Variants in EDDM13 observed in about 807,000 individuals in gnomAD.
EDDM13 encodes epididymal protein 13.
EDDM13 carries 24 observed loss-of-function variants against 17.8 expected under a neutral mutation model. That is an observed-to-expected ratio of 1.35 (90% confidence interval 0.98 to 1.90). The LOEUF (loss-of-function observed/expected upper bound fraction) is 1.90, where lower values mean the gene tolerates loss of function less well. Ranked by LOEUF, EDDM13 falls within the 40% of genes most tolerant of loss-of-function variation. The pLI is 0.00. For synonymous variants in EDDM13, 31 were observed against 37.5 expected (o/e 0.83, Z 0.63); for missense variants, 97 against 100.8 (o/e 0.96, Z 0.16).
At chr19:56,309,323 CTT>C (rs36058339) in intron 14 of EDDM13, among the ~76,000 whole-genome samples, 16,614 of 152,152 alleles carry the variant, frequency 0.11, 1,026 homozygotes, top group African/African-American at 0.15. Context: ...GGAGTGACTG[CTT>C]TTAATGGATT....
chr19:56,275,977 G>A (rs1437857612), intron 1 of EDDM13, among the ~76,000 whole-genome samples, 115 bp from the exon 2 acceptor site: 3 of 152,112 alleles, frequency 2.0e-5, no homozygotes, highest in Non-Finnish European at 4.4e-5. Context: ...TGATCTCCAG[G>A]GACACTTCTA....
rs188704427 is a variant in EDDM13, at chr19:56,306,218, C to T, written c.461+1388C>T. ...CTGGTCAAGGCTAGGGTCCAGGGTACGGAGAGAAAGTACGAAAGACAGATG... is the reference window on the plus strand; with the variant it reads ...CTGGTCAAGGCTAGGGTCCAGGGTATGGAGAGAAAGTACGAAAGACAGATG... On this transcript the variant is annotated intron_variant, in intron 14 of 14. Transcript: ENST00000649256. 7.0e-4 allele frequency among the ~76,000 whole-genome samples: 107 copies of T among 152,290 alleles called. 1 individual carries two copies. In the Middle Eastern group the frequency reaches 0.017, roughly 24 times the overall value.
At position 56,272,879 on chromosome 19, in the gene EDDM13, G is replaced by A; in HGVS notation, c.45G>A (p.Leu15=). The A allele has an allele frequency of 3.0e-6, 3 of 985,442 alleles. No homozygotes were observed. Among genetic ancestry groups the A allele is most frequent in the Non-Finnish European group, 3.6e-6 (3 of 829,950 alleles). The allele number at this position is 985,442 out of a possible 1,614,324, so 61.0% of individuals were successfully genotyped here. ...TTCTGAAAATGTCGCTGCTGATTCT[G>A]CTTTTCCTGGGATTGGCAGAAGCCT... ...EPFLKMSLLI[L]LFLGLAEACT... The change falls in exon 1 of 15, where the codon CTG becomes CTA. Residue 15 remains leucine, a synonymous_variant. Transcript: ENST00000649256.
intron 12 of EDDM13, among the ~76,000 whole-genome samples, chr19:56,300,302 A>T (rs2147245289): frequency 6.6e-6 from 1 of 152,364 alleles, no homozygotes; most frequent in Admixed American, 6.5e-5. Flanking sequence ...GATAAACAAC[A>T]GCTAGTCCTC....
intron 6 of EDDM13, among the ~76,000 whole-genome samples, chr19:56,287,562 G>A (rs1407893906): frequency 3.3e-5 from 5 of 152,082 alleles, no homozygotes; most frequent in Non-Finnish European, 5.9e-5. Context: ...GAATGCAGCC[G>A]GACTTTATAA....
chr19:56,273,380 A>C (rs1456649323), intron 1 of EDDM13, among the ~76,000 whole-genome samples: 1 of 152,210 alleles, frequency 6.6e-6, no homozygotes, highest in Admixed American at 6.5e-5. Context: ...GTCTTGCCAT[A>C]ACTCTGAGTT....
At chr19:56,281,869 C>G (rs534451494) in intron 3 of EDDM13, among the ~76,000 whole-genome samples, 171 bp downstream of exon 3, 1 of 152,216 alleles carries the variant, frequency 6.6e-6, no homozygotes, top group African/African-American at 2.4e-5. Flanking sequence ...GCAGATTGCC[C>G]GGGGTGGGAA....
chr19:56,300,507 C>T (rs370220118), intron 12 of EDDM13, among the ~76,000 whole-genome samples: 1 of 152,336 alleles, frequency 6.6e-6, no homozygotes, highest in African/African-American at 2.4e-5. Context: ...CCCCTCCCAA[C>T]AAGAAGCTGG....
chr19:56,291,853 G>A (rs1280514929), intron 9 of EDDM13, among the ~76,000 whole-genome samples: 1 of 152,142 alleles, frequency 6.6e-6, no homozygotes, highest in South Asian at 2.1e-4. Flanking sequence ...TTCATGTAAT[G>A]CCATGATGAG....
At chr19:56,301,730 T>C (rs1478112552) in intron 12 of EDDM13, among the ~76,000 whole-genome samples, 1 of 152,056 alleles carries the variant, frequency 6.6e-6, no homozygotes, top group Non-Finnish European at 1.5e-5. Flanking sequence ...TCAGATTTGG[T>C]GATGTCTTGG....
At chr19:56,300,769 T>C (rs2040172378) in intron 12 of EDDM13, among the ~76,000 whole-genome samples, 1 of 152,180 alleles carries the variant, frequency 6.6e-6, no homozygotes, top group South Asian at 2.1e-4. Flanking sequence ...TATTTTTTGA[T>C]TGGAAACCTG....
At chr19:56,285,547 AAT>A (rs765342588) in intron 6 of EDDM13, among the ~76,000 whole-genome samples, 20 of 152,190 alleles carry the variant, frequency 1.3e-4, no homozygotes, top group East Asian at 9.6e-4. Context: ...TTTTTTTTCT[AAT>A]ATATATGTTT....
intron 6 of EDDM13, among the ~76,000 whole-genome samples, chr19:56,285,489 C>A (rs1254202084): frequency 6.6e-6 from 1 of 152,166 alleles, no homozygotes; most frequent in East Asian, 1.9e-4. Context: ...AGAAATGCTT[C>A]GTGTGTACTC....
intron 13 of EDDM13, among the ~76,000 whole-genome samples, chr19:56,302,551 C>CTCCCTTTTCTTCCTCTCCCTCTT (rs1441071543): frequency 2.5e-5 from 1 of 40,016 alleles, no homozygotes; most frequent in Non-Finnish European, 8.0e-5. Flanking sequence ...CCCCGTTCCT[C>CTCCCTTTTCTTCCTCTCCCTCTT]CCTCCCTCCC....
chr19:56,301,241 G>A (rs1010751170), intron 12 of EDDM13, among the ~76,000 whole-genome samples: 1 of 152,176 alleles, frequency 6.6e-6, no homozygotes, highest in Non-Finnish European at 1.5e-5. Context: ...TCTCCTTATA[G>A]TTATTTCCTG....
intron 13 of EDDM13, chr19:56,302,845 C>T (rs2147283144): frequency 2.3e-5 from 9 of 398,680 alleles, no homozygotes; most frequent in South Asian, 1.3e-4. Flanking sequence ...TTCTAAGGGA[C>T]GTTCATAAGG....
intron 12 of EDDM13, chr19:56,298,230 C>CAAAATAACAAT (rs2040006228): frequency 6.6e-6 from 1 of 151,946 alleles, no homozygotes; most frequent in Non-Finnish European, 1.5e-5. Flanking sequence ...TTGCAGGTAA[C>CAAAATAACAAT]AAAATAACAA....
chr19:56,291,948 A>G (rs113369751), intron 9 of EDDM13, among the ~76,000 whole-genome samples: 1 of 152,180 alleles, frequency 6.6e-6, no homozygotes, highest in African/African-American at 2.4e-5. Flanking sequence ...TCAATGTGTT[A>G]TGTGTAGTTA....
chr19:56,273,493 C>T (rs1206241503), intron 1 of EDDM13, among the ~76,000 whole-genome samples: 1 of 134,830 alleles, frequency 7.4e-6, no homozygotes, highest in Non-Finnish European at 1.7e-5. Context: ...ATGGAATTCT[C>T]ATGCTAAACA....
Sources: allele counts gnomAD v4.1 joint callset (sites outside exome capture counted in the v4.1 genomes callset), GRCh38; gene constraint gnomAD v4.1.1; transcripts MANE v1.5; gene names NCBI Gene and HGNC (gene_info 2026-07-23, HGNC 2026-07-21).